The following VAV3 variants were observed in gnomAD, a reference collection of about 807,000 sequenced individuals.
VAV3 encodes guanine nucleotide exchange factor VAV3.
Under a neutral mutation model 131.2 loss-of-function variants are expected in VAV3, and 94 were observed. The ratio of observed to expected loss-of-function variants is 0.72; its 90% confidence interval spans 0.61 to 0.85. The LOEUF (loss-of-function observed/expected upper bound fraction) is 0.85, where lower values mean the gene tolerates loss of function less well. VAV3 is among the 40% of genes least tolerant of loss of function. VAV3 has a pLI of 0.00. For synonymous variants in VAV3, 349 were observed against 342.0 expected, an observed-to-expected ratio of 1.02 and a Z score of -0.22; for missense variants, 939 against 1,002.7, an observed-to-expected ratio of 0.94 and a Z score of 0.86.
intron 2 of VAV3, among the ~76,000 whole-genome samples, chr1:107,815,302 G>A (rs943279962): frequency 2.6e-5 from 4 of 152,198 alleles, no homozygotes; most frequent in African/African-American, 7.2e-5. Context: ...ACCAGCCCCA[G>A]ACTAACTTGG....
At position 107,651,253 on chromosome 1, in the gene VAV3, C is replaced by G. The variant is rs138690815; in HGVS notation, c.1778-8498G>C. Among the ~76,000 whole-genome samples, 36 of 152,198 alleles carry G rather than the reference C, an allele frequency of 2.4e-4. No individual in the cohort carries two copies. In the East Asian group the frequency reaches 6.6e-3, roughly 28 times the overall value. On this transcript the variant is annotated intron_variant, in intron 19 of 26. Coordinates refer to ENST00000370056, the MANE Select transcript of VAV3 (RefSeq NM_006113.5). The stretch of plus-strand genomic sequence containing the variant: ...AGTCTATGGTATTTTGTTGGAGCAG[C>G]CTAAACAGACTAAAACACCTACCAA...
intron 1 of VAV3, among the ~76,000 whole-genome samples, chr1:107,936,502 T>C (rs1446679256): frequency 1.3e-5 from 2 of 152,168 alleles, no homozygotes; most frequent in Admixed American, 6.5e-5. Flanking sequence ...GAAACAACAG[T>C]GACAGTAGAC....
intron 2 of VAV3, among the ~76,000 whole-genome samples, chr1:107,865,953 G>A (rs1009112151): frequency 2.0e-5 from 3 of 152,074 alleles, no homozygotes; most frequent in Non-Finnish European, 4.4e-5. Context: ...GTTTCCAGGG[G>A]CACTCCACCA....
At chr1:107,751,742 G>A (rs77454414) in intron 12 of VAV3, among the ~76,000 whole-genome samples, 5,436 of 152,190 alleles carry the variant, frequency 0.036, 178 homozygotes, top group African/African-American at 0.085. Flanking sequence ...CCTCAAGGAC[G>A]AAAAGCTCTG....
intron 1 of VAV3, among the ~76,000 whole-genome samples, chr1:107,946,537 C>T (rs1674269740): frequency 6.6e-6 from 1 of 152,088 alleles, no homozygotes; most frequent in African/African-American, 2.4e-5. Context: ...TGACCATTGA[C>T]CTAGAAATTT....
chr1:107,820,495 G>A (rs972261909), intron 2 of VAV3, among the ~76,000 whole-genome samples: 10 of 151,906 alleles, frequency 6.6e-5, no homozygotes, highest in Admixed American at 1.3e-4. Context: ...TGTAGGGATG[G>A]ATAATAGTTA....
At chr1:107,800,284 T>C (rs1666765733) in intron 2 of VAV3, among the ~76,000 whole-genome samples, 1 of 152,126 alleles carries the variant, frequency 6.6e-6, no homozygotes, top group Non-Finnish European at 1.5e-5. Context: ...GTTTTCTATA[T>C]TAGTTTTACC....
At chr1:107,605,109 T>C (rs1384691438) in intron 22 of VAV3, among the ~76,000 whole-genome samples, 1 of 152,194 alleles carries the variant, frequency 6.6e-6, no homozygotes, top group African/African-American at 2.4e-5. Context: ...AAATTGCTCA[T>C]GTTTTTGTTT....
intron 22 of VAV3, among the ~76,000 whole-genome samples, chr1:107,605,907 G>A (rs1345798809): frequency 4.6e-5 from 7 of 152,276 alleles, no homozygotes; most frequent in Non-Finnish European, 1.0e-4. Context: ...ACCTATAGCT[G>A]CATTAATTGA....
intron 3 of VAV3, 65 bp downstream of exon 3, chr1:107,779,369 C>T: frequency 7.8e-6 from 11 of 1,410,906 alleles, no homozygotes; most frequent in Non-Finnish European, 9.6e-6. Context: ...CAAATAGTAA[C>T]CATTTAATAA....
At chr1:107,688,274 T>C in intron 18 of VAV3, 107 bp downstream of exon 18, 2 of 1,314,318 alleles carry the variant, frequency 1.5e-6, no homozygotes, top group Non-Finnish European at 2.1e-6. Context: ...TTTATTTCTA[T>C]TTATTTTAAA....
At chr1:107,811,913 G>A (rs908267435) in intron 2 of VAV3, among the ~76,000 whole-genome samples, 1 of 151,816 alleles carries the variant, frequency 6.6e-6, no homozygotes, top group Non-Finnish European at 1.5e-5. Flanking sequence ...CTGAGATTTT[G>A]GTTTTAAGGT....
chr1:107,719,820 CAAT>C (rs1661371580), intron 15 of VAV3, among the ~76,000 whole-genome samples: 1 of 152,182 alleles, frequency 6.6e-6, no homozygotes, highest in East Asian at 1.9e-4. Flanking sequence ...AAATGTCCAA[CAAT>C]GATAGACTGG....
intron 17 of VAV3, among the ~76,000 whole-genome samples, chr1:107,690,424 A>G (rs1245388016): frequency 1.3e-5 from 2 of 152,102 alleles, no homozygotes; most frequent in Non-Finnish European, 2.9e-5. Flanking sequence ...GGCTCTTCAT[A>G]TCTTGTGCAG....
chr1:107,683,342 G>T, intron 19 of VAV3, 146 bp downstream of exon 19: 1 of 798,934 alleles, frequency 1.3e-6, no homozygotes. Context: ...TTACACGTTA[G>T]ACCATGACCT....
At chr1:107,885,343 A>G (rs1205912169) in intron 1 of VAV3, among the ~76,000 whole-genome samples, 1 of 152,138 alleles carries the variant, frequency 6.6e-6, no homozygotes, top group Non-Finnish European at 1.5e-5. Context: ...GACTAATGCT[A>G]ATGTTACATC....
At chr1:107,860,436 T>C (rs1669686746) in intron 2 of VAV3, among the ~76,000 whole-genome samples, 1 of 144,946 alleles carries the variant, frequency 6.9e-6, no homozygotes, top group Non-Finnish European at 1.6e-5. Flanking sequence ...TTTTCCAAAT[T>C]ACCACTGGGA....
intron 4 of VAV3, among the ~76,000 whole-genome samples, chr1:107,775,341 G>A (rs1168751871): frequency 6.6e-6 from 1 of 152,072 alleles, no homozygotes; most frequent in African/African-American, 2.4e-5. Context: ...AGCACGTTGG[G>A]ACACCAAGGC....
At chr1:107,764,600 G>C (rs1454418577) in intron 9 of VAV3, among the ~76,000 whole-genome samples, 1 of 152,136 alleles carries the variant, frequency 6.6e-6, no homozygotes, top group East Asian at 1.9e-4. Context: ...GCTCACTGCA[G>C]CTTCAAACTC....
Sources: allele counts gnomAD v4.1 joint callset (sites outside exome capture counted in the v4.1 genomes callset), GRCh38; gene constraint gnomAD v4.1.1; transcripts MANE v1.5; gene names NCBI Gene and HGNC (gene_info 2026-07-23, HGNC 2026-07-21).